ZNF775: variants seen among roughly 807,000 people sequenced by gnomAD.
ZNF775 encodes zinc finger protein 775.
A neutral mutation model predicts 2.4 loss-of-function variants in ZNF775; 1 was observed. The observed-to-expected ratio is 0.41, with a 90% CI of 0.15 to 1.94. The LOEUF (loss-of-function observed/expected upper bound fraction) is 1.94, where lower values mean the gene tolerates loss of function less well. Ranked by LOEUF, ZNF775 falls within the 30% of genes most tolerant of loss-of-function variation. The probability of loss-of-function intolerance (pLI) is 0.30; values close to 1 mark genes in which losing one functional copy is unlikely to be tolerated. For missense variants in ZNF775, 823 were observed against 826.6 expected (o/e 1.00, Z 0.05); for synonymous variants, 381 against 373.3 (o/e 1.02, Z -0.24).
At chr7:150,393,086 TATC>T (rs564970348) in intron 2 of ZNF775, among the ~76,000 whole-genome samples, 8 of 152,188 alleles carry the variant, frequency 5.3e-5, no homozygotes, top group Non-Finnish European at 1.2e-4. Flanking sequence ...ACTATTATAG[TATC>T]ATACAGAATA....
intron 1 of ZNF775, among the ~76,000 whole-genome samples, chr7:150,385,102 G>A (rs1247573833): frequency 6.6e-6 from 1 of 152,178 alleles, no homozygotes; most frequent in Non-Finnish European, 1.5e-5. Context: ...CTCACAGAGT[G>A]GCCCCAAGGG....
At position 150,382,381 on chromosome 7, in the gene ZNF775, C is replaced by T. The variant is rs1294168577; in HGVS notation, c.-50+2989C>T. Among the ~76,000 whole-genome samples, 1 of 152,172 alleles carries T rather than the reference C, an allele frequency of 6.6e-6. No individual in the cohort carries two copies. The highest frequency in any genetic ancestry group is 2.4e-5 in the African/African-American group (1 of 41,450). On this transcript the variant is annotated intron_variant, in intron 1 of 2. Transcript: ENST00000329630. The surrounding 1 kb of genome is among the most constrained non-coding windows in gnomAD (Gnocchi z 4.6). ...TCACCTGCGCCTTCAAGAACCTGAG[C>T]TCAAAGCGCTGCAATGACTGGCCAG...
At chr7:150,395,616 T>G (rs1292180131) in intron 2 of ZNF775, among the ~76,000 whole-genome samples, 1 of 152,240 alleles carries the variant, frequency 6.6e-6, no homozygotes, top group African/African-American at 2.4e-5. Flanking sequence ...TTTTGCCAGT[T>G]TCTCCTCTTC....
intron 2 of ZNF775, among the ~76,000 whole-genome samples, chr7:150,394,495 G>A (rs1389984782): frequency 2.0e-5 from 3 of 152,194 alleles, no homozygotes; most frequent in Non-Finnish European, 4.4e-5. Flanking sequence ...TGATTTCAGG[G>A]ATGGTGAGCA....
At chr7:150,388,263 T>G (rs571061431) in intron 1 of ZNF775, among the ~76,000 whole-genome samples, 159 bp from the exon 2 acceptor site, 1 of 152,350 alleles carries the variant, frequency 6.6e-6, no homozygotes, top group Non-Finnish European at 1.5e-5. Context: ...GCAGGTATGC[T>G]TACAATGAAA....
Position 150,396,448 on chromosome 7 carries a change from C to T in ZNF775, c.32-65C>T. 2.7e-6 allele frequency: 4 copies of T among 1,489,396 alleles called. No homozygotes were observed. The South Asian group carries it at 5.4e-5, about 20-fold the overall frequency. 92.3% of individuals were successfully genotyped at this position (1,489,396 alleles called of 1,614,324 possible). Reference sequence around the variant, plus strand: ...CACTTCCCTCTCTCTTGCTCCTTCTCTCCATCCCACCCAGCGGAGCAGCAG... The same window carrying T: ...CACTTCCCTCTCTCTTGCTCCTTCTTTCCATCCCACCCAGCGGAGCAGCAG... On this transcript the variant is annotated intron_variant, in intron 2 of 2. Coordinates refer to ENST00000329630, the MANE Select transcript of ZNF775 (RefSeq NM_173680.4).
chr7:150,393,059 G>A (rs574059431), intron 2 of ZNF775, among the ~76,000 whole-genome samples: 1 of 152,214 alleles, frequency 6.6e-6, no homozygotes, highest in African/African-American at 2.4e-5. Context: ...TTTGACAAAG[G>A]CATAATGTCC....
chr7:150,392,180 C>G (rs7789393), intron 2 of ZNF775, among the ~76,000 whole-genome samples: 1 of 151,824 alleles, frequency 6.6e-6, no homozygotes, highest in African/African-American at 2.4e-5. Flanking sequence ...TTTTTTTAAG[C>G]TGGCACTTAA....
intron 2 of ZNF775, among the ~76,000 whole-genome samples, chr7:150,390,777 T>C (rs998256158): frequency 3.9e-5 from 6 of 152,236 alleles, no homozygotes; most frequent in Admixed American, 1.3e-4. Context: ...TTTACACTCG[T>C]ATGTCAGTAT....
intron 2 of ZNF775, among the ~76,000 whole-genome samples, chr7:150,390,090 A>C (rs1009918874): frequency 6.6e-6 from 1 of 151,880 alleles, no homozygotes; most frequent in African/African-American, 2.4e-5. Context: ...TGCACCTTCT[A>C]ATTTTATCTG....
intron 1 of ZNF775, among the ~76,000 whole-genome samples, chr7:150,386,201 GC>G (rs1264536737): frequency 2.6e-5 from 4 of 152,102 alleles, no homozygotes; most frequent in African/African-American, 9.7e-5. Context: ...CTTCCAAAGT[GC>G]TGGGAATACA....
chr7:150,397,271 G>C lies in ZNF775; in HGVS notation c.790G>C (p.Gly264Arg). The C allele has an allele frequency of 2.1e-6, 3 of 1,432,474 alleles. No individual in the cohort carries two copies. The highest frequency in any genetic ancestry group is 2.7e-6 in the Non-Finnish European group (3 of 1,094,138). 88.7% of individuals were successfully genotyped at this position (1,432,474 alleles called of 1,614,324 possible). ...GLCQGWWGQP[G>R]ARAAVSGPEG... ...CTGCCAGGGCTGGTGGGGCCAGCCC[G>C]GGGCCCGGGCCGCGGTCTCCGGCCC... Residue 264 changes from glycine to arginine, a missense_variant, in exon 3 of 3, where the codon GGG (glycine) becomes CGG (arginine). Gly to Arg is a moderately radical substitution (Grantham distance 125, BLOSUM62 -2). Coordinates refer to ENST00000329630, the MANE Select transcript of ZNF775 (RefSeq NM_173680.4).
chr7:150,397,618 C>T lies in ZNF775; in HGVS notation c.1137C>T (p.Ala379=). The part of the protein sequence containing the change: ...PSCGKSCRSR[A]ALRAHQRAHA... The stretch of plus-strand genomic sequence containing the variant: ...GCGGTAAGAGCTGCCGCAGCCGCGC[C>T]GCGCTGCGCGCCCACCAGCGCGCCC... Residue 379 remains alanine, a synonymous_variant, in exon 3 of 3, where the codon GCC becomes GCT. Transcript: ENST00000329630. 1 of 1,372,874 alleles carries T rather than the reference C, an allele frequency of 7.3e-7. No individual in the cohort carries two copies. The highest frequency in any genetic ancestry group is 1.5e-5 in the South Asian group (1 of 66,292). 85.0% of individuals were successfully genotyped at this position (1,372,874 alleles called of 1,614,324 possible). A position where few individuals can be genotyped will look rare whatever the true frequency, so the allele number is the denominator to read the frequency against.
chr7:150,383,314 C>T (rs920914302), intron 1 of ZNF775, among the ~76,000 whole-genome samples: 1 of 152,192 alleles, frequency 6.6e-6, no homozygotes, highest in African/African-American at 2.4e-5. Flanking sequence ...GAGGAGCCAC[C>T]TCTTGGGTCC....
chr7:150,398,109 A>G lies in ZNF775; in HGVS notation c.*14A>G. 6.5e-7 allele frequency: 1 copy of G among 1,540,380 alleles called. No homozygotes were observed. The highest frequency in any genetic ancestry group is 8.7e-7 in the Non-Finnish European group (1 of 1,147,808). On this transcript the variant is annotated 3_prime_UTR_variant, in exon 3 of 3. Coordinates refer to ENST00000329630, the MANE Select transcript of ZNF775 (RefSeq NM_173680.4). Reference sequence around the variant, plus strand: ...GAGGCGCGCTAGTGGACTGGACCTCAGCGGACCCGTGGTGGTGCGGGGGAT... The same window carrying G: ...GAGGCGCGCTAGTGGACTGGACCTCGGCGGACCCGTGGTGGTGCGGGGGAT...
rs1438665841 is a variant in ZNF775, at chr7:150,384,225, A to G, written c.-49-4197A>G. On this transcript the variant is annotated intron_variant, in intron 1 of 2. Transcript: ENST00000329630. The surrounding 1 kb of genome is among the most constrained non-coding windows in gnomAD (Gnocchi z 4.1). ...AGAGCCCGAGGGGCAGCAGAGAGGA[A>G]AGGTGGTCCGGTAGGGGCCCGGGGG... Among the ~76,000 whole-genome samples the G allele has an allele frequency of 6.6e-6, 1 of 152,190 alleles. No individual in the cohort carries two copies. Among genetic ancestry groups the G allele is most frequent in the East Asian group, 1.9e-4 (1 of 5,186 alleles).
At position 150,379,354 on chromosome 7, in the gene ZNF775, G is replaced by C. The variant is rs1219847042; in HGVS notation, c.-88G>C. The C allele has an allele frequency of 6.6e-6, 1 of 152,240 alleles. No individual in the cohort carries two copies. Among genetic ancestry groups the C allele is most frequent in the Non-Finnish European group, 1.5e-5 (1 of 68,034 alleles). The allele number at this position is 152,240 out of a possible 1,614,324, so 9.4% of individuals were successfully genotyped here. A position where few individuals can be genotyped will look rare whatever the true frequency, so the allele number is the denominator to read the frequency against. ...GAGCCCGGTGCCCAAGTCGCCCTCG[G>C]GGTGGCAGTTCCCGTTAACCTTAGC... On this transcript the variant is annotated 5_prime_UTR_variant, in exon 1 of 3. Coordinates refer to ENST00000329630, the MANE Select transcript of ZNF775 (RefSeq NM_173680.4).
chr7:150,393,489 G>T (rs886625125), intron 2 of ZNF775, among the ~76,000 whole-genome samples: 13 of 152,172 alleles, frequency 8.5e-5, no homozygotes, highest in Non-Finnish European at 1.8e-4. Context: ...ACCTAGGAGA[G>T]CGACTGCTGG....
rs1360043369 is a variant in ZNF775, at chr7:150,396,584, A to G, written c.103A>G (p.Met35Val). 1.9e-6 allele frequency: 3 copies of G among 1,608,854 alleles called. No homozygotes were observed. Among genetic ancestry groups the G allele is most frequent in the Non-Finnish European group, 2.5e-6 (3 of 1,178,808 alleles). ...RLLQTLAPQA[M>V]LVEKDKENIF... ...GCTGCAGACGCTGGCGCCGCAGGCC[A>G]TGCTTGTGGAGAAGGACAAGGAGAA... Residue 35 changes from methionine to valine, a missense_variant, in exon 3 of 3, where the codon ATG becomes GTG. Physicochemically the swap from Met to Val is conservative, Grantham distance 21. Coordinates refer to ENST00000329630, the MANE Select transcript of ZNF775 (RefSeq NM_173680.4).
Sources: allele counts gnomAD v4.1 joint callset (sites outside exome capture counted in the v4.1 genomes callset), GRCh38; gene constraint gnomAD v4.1.1; non-coding constraint Gnocchi (gnomAD v3.1); transcripts MANE v1.5; gene names NCBI Gene and HGNC (gene_info 2026-07-23, HGNC 2026-07-21).